Variants in FBXL17 observed in about 807,000 individuals in gnomAD.
The protein encoded by FBXL17 is F-box/LRR-repeat protein 17.
Under a neutral mutation model 66.2 loss-of-function variants are expected in FBXL17, and 22 were observed. The ratio of observed to expected loss-of-function variants is 0.33; its 90% CI spans 0.24 to 0.47. The LOEUF is 0.47. FBXL17 is among the 20% of genes least tolerant of loss of function. The pLI is 1.00. For synonymous variants in FBXL17, 474 were observed against 400.5 expected, an observed-to-expected ratio of 1.18 and a Z score of -2.19; for missense variants, 878 against 948.2, an observed-to-expected ratio of 0.93 and a Z score of 0.97.
At chr5:108,229,715 G>A (rs1341070067) in intron 4 of FBXL17, among the ~76,000 whole-genome samples, 1 of 151,986 alleles carries the variant, frequency 6.6e-6, no homozygotes, top group Non-Finnish European at 1.5e-5. Flanking sequence ...AGATAAATAG[G>A]TGGGGCTTAA....
intron 5 of FBXL17, among the ~76,000 whole-genome samples, chr5:108,222,498 A>G (rs1396532871): frequency 6.6e-6 from 1 of 152,122 alleles, no homozygotes; most frequent in Non-Finnish European, 1.5e-5. Flanking sequence ...TAACAGGCCT[A>G]TCCTCTCCTC....
chr5:108,371,190 T>G (rs1315282145), intron 1 of FBXL17, among the ~76,000 whole-genome samples: 1 of 152,212 alleles, frequency 6.6e-6, no homozygotes, highest in African/African-American at 2.4e-5. Context: ...TCCCAAATGC[T>G]ACGTCAGTAG....
At position 107,881,203 on chromosome 5, in the gene FBXL17, G is replaced by C. The variant is rs1286106678; in HGVS notation, c.1823-24C>G. 3.4e-6 allele frequency: 5 copies of C among 1,461,362 alleles called. No homozygotes were observed. The East Asian group carries it at 1.1e-4, about 33-fold the overall frequency. 90.5% of individuals were successfully genotyped at this position (1,461,362 alleles called of 1,614,324 possible). On this transcript the variant is annotated intron_variant, in intron 7 of 8. Coordinates refer to ENST00000542267, the MANE Select transcript of FBXL17 (RefSeq NM_001163315.3). Reference sequence around the variant, plus strand: ...TGCTGCAAGAAGGGACGCAGAGAAAGCATTAATGTTAGCAGTGTAAGGGAG... The same window carrying C: ...TGCTGCAAGAAGGGACGCAGAGAAACCATTAATGTTAGCAGTGTAAGGGAG...
At chr5:107,968,397 T>C (rs994391106) in intron 7 of FBXL17, among the ~76,000 whole-genome samples, 6 of 152,120 alleles carry the variant, frequency 3.9e-5, no homozygotes, top group Non-Finnish European at 7.4e-5. Context: ...GCATAAAATA[T>C]TCTAGTACAC....
intron 7 of FBXL17, among the ~76,000 whole-genome samples, chr5:107,987,001 A>T (rs1048437445): frequency 6.6e-6 from 1 of 151,996 alleles, no homozygotes; most frequent in African/African-American, 2.4e-5. Flanking sequence ...TTAAACTGAA[A>T]ACACGAATAA....
intron 5 of FBXL17, among the ~76,000 whole-genome samples, chr5:108,215,213 T>C (rs1414906772): frequency 6.6e-6 from 1 of 152,242 alleles, no homozygotes; most frequent in Non-Finnish European, 1.5e-5. Flanking sequence ...TTTAATTATT[T>C]TGATTCTATA....
At chr5:108,263,180 A>G (rs1447906293) in intron 4 of FBXL17, among the ~76,000 whole-genome samples, 3 of 152,322 alleles carry the variant, frequency 2.0e-5, no homozygotes, top group South Asian at 2.1e-4. Context: ...CTGCATGAAC[A>G]CTACACTTAA....
chr5:108,019,666 C>T (rs1272794952), intron 7 of FBXL17, among the ~76,000 whole-genome samples: 1 of 143,012 alleles, frequency 7.0e-6, no homozygotes, highest in African/African-American at 2.9e-5. Flanking sequence ...CACACACACA[C>T]TCTCTCTCTC....
intron 7 of FBXL17, among the ~76,000 whole-genome samples, chr5:108,004,127 T>C (rs1005138194): frequency 5.3e-5 from 8 of 152,180 alleles, no homozygotes; most frequent in Non-Finnish European, 1.2e-4. Context: ...TCTTTCAACA[T>C]AATGCAAGCC....
chr5:107,909,453 G>A (rs1749876652), intron 7 of FBXL17, among the ~76,000 whole-genome samples: 1 of 152,166 alleles, frequency 6.6e-6, no homozygotes, highest in Non-Finnish European at 1.5e-5. Context: ...ACTTTAGGAA[G>A]GTGGTTGAAT....
intron 5 of FBXL17, among the ~76,000 whole-genome samples, chr5:108,207,151 C>A (rs116372903): frequency 0.024 from 3,727 of 152,138 alleles, 149 homozygotes; most frequent in African/African-American, 0.085. Flanking sequence ...CCCCGACCCC[C>A]TCAAAATATC....
chr5:108,165,333 G>GA (rs11380510), intron 6 of FBXL17, among the ~76,000 whole-genome samples: 70,170 of 151,516 alleles, frequency 0.46, 17,064 homozygotes, highest in Admixed American at 0.58. Context: ...CTGAAAAGAT[G>GA]TAAATGTAAA....
At chr5:108,055,322 CT>C (rs1240370912) in intron 6 of FBXL17, among the ~76,000 whole-genome samples, 6 of 120,716 alleles carry the variant, frequency 5.0e-5, no homozygotes, top group Non-Finnish European at 8.3e-5. Flanking sequence ...AAGAAAAACG[CT>C]TCAGGCCGGG....
chr5:107,937,748 G>A (rs578060927), intron 7 of FBXL17, among the ~76,000 whole-genome samples: 3 of 152,230 alleles, frequency 2.0e-5, no homozygotes, highest in South Asian at 2.1e-4. Flanking sequence ...ATGAGATCAC[G>A]TACTTGCCCC....
chr5:108,217,823 T>C (rs1254849772), intron 5 of FBXL17, among the ~76,000 whole-genome samples: 1 of 152,144 alleles, frequency 6.6e-6, no homozygotes, highest in Non-Finnish European at 1.5e-5. Flanking sequence ...AATCTGATTC[T>C]ATGAGTCTGA....
At chr5:108,207,250 G>T (rs190217476) in intron 5 of FBXL17, among the ~76,000 whole-genome samples, 163 of 152,190 alleles carry the variant, frequency 1.1e-3, no homozygotes, top group African/African-American at 3.7e-3. Context: ...TAATTTGCAT[G>T]AAATTTCCAT....
chr5:107,871,991 G>A (rs925417434), intron 8 of FBXL17, among the ~76,000 whole-genome samples: 1 of 152,106 alleles, frequency 6.6e-6, no homozygotes, highest in Non-Finnish European at 1.5e-5. Context: ...TAAGGTAGTG[G>A]TAATCAGCAA....
intron 6 of FBXL17, among the ~76,000 whole-genome samples, chr5:108,121,265 T>C (rs1357858935): frequency 2.0e-5 from 3 of 152,054 alleles, no homozygotes; most frequent in Non-Finnish European, 4.4e-5. Context: ...CTGACAGAGG[T>C]TGCAGTGAGC....
intron 5 of FBXL17, among the ~76,000 whole-genome samples, chr5:108,219,737 T>C (rs1167670251): frequency 1.3e-5 from 2 of 152,082 alleles, no homozygotes; most frequent in African/African-American, 4.8e-5. Context: ...TGTTATCCTT[T>C]TAATGCCTGT....
Sources: gnomAD v4.1 joint callset for allele counts (sites outside exome capture counted in the v4.1 genomes callset) on GRCh38, gnomAD v4.1.1 for gene constraint, MANE v1.5 for transcripts, NCBI Gene and HGNC (gene_info 2026-07-23, HGNC 2026-07-21) for gene names.